The following CHMP1B variants were observed in gnomAD, a reference collection of about 807,000 sequenced individuals.
CHMP1B encodes VPS46 homolog B.
CHMP1B carries 5 observed loss-of-function variants against 11.5 expected under a neutral mutation model. The ratio of observed to expected loss-of-function variants is 0.43; its 90% CI spans 0.23 to 0.91. CHMP1B has a LOEUF of 0.91. CHMP1B is among the 40% of genes least tolerant of loss of function. The pLI, the probability that CHMP1B is intolerant of heterozygous loss-of-function variation, is 0.25. For synonymous variants in CHMP1B, 105 were observed against 105.7 expected, an observed-to-expected ratio of 0.99 and a Z score of 0.04; for missense variants, 246 against 261.2, an observed-to-expected ratio of 0.94 and a Z score of 0.40.
At position 11,854,190 on chromosome 18, in the gene CHMP1B, G is replaced by A. The variant is rs954616419; in HGVS notation, c.*2079G>A. The A allele has an allele frequency of 6.0e-6, 1 of 166,822 alleles. No homozygotes were observed. Among genetic ancestry groups the A allele is most frequent in the African/African-American group, 2.4e-5 (1 of 41,350 alleles). 10.3% of individuals were successfully genotyped at this position (166,822 alleles called of 1,614,324 possible). On this transcript the variant is annotated 3_prime_UTR_variant, in exon 1 of 1. Coordinates refer to ENST00000526991, the MANE Select transcript of CHMP1B (RefSeq NM_020412.5). ...AAAATAGCTTAGTGTTGAACCCTTT[G>A]GTAAACTAAAGACCCTTTTATAATG...
Position 11,854,438 on chromosome 18 carries a change from AACTG to A in CHMP1B, c.*2328_*2331del, listed in dbSNP as rs2035955979. 6.0e-6 allele frequency: 1 copy of A among 167,090 alleles called. No homozygotes were observed. Among genetic ancestry groups the A allele is most frequent in the Non-Finnish European group, 1.5e-5 (1 of 68,126 alleles). The allele number at this position is 167,090 out of a possible 1,614,324, so 10.4% of individuals were successfully genotyped here. A position where few individuals can be genotyped will look rare whatever the true frequency, so the allele number is the denominator to read the frequency against. On this transcript the variant is annotated 3_prime_UTR_variant, in exon 1 of 1. Transcript: ENST00000526991. ...AGAATTTGTCAATTAAATCATTTTA[AACTG>A]CATGTTATTGGATGTGAGTGTGCAT...
Position 11,851,482 on chromosome 18 carries a change from G to A in CHMP1B, c.-30G>A. The A allele has an allele frequency of 6.6e-7, 1 of 1,507,330 alleles. No homozygotes were observed. Among genetic ancestry groups the A allele is most frequent in the Non-Finnish European group, 8.8e-7 (1 of 1,133,306 alleles). The allele number at this position is 1,507,330 out of a possible 1,614,324, so 93.4% of individuals were successfully genotyped here. ...TCTGCCTTCGGCGCGCTTCTCAGCC[G>A]GGCCGCCGACCCAAAGGAGCCGTCC... On this transcript the variant is annotated 5_prime_UTR_variant, in exon 1 of 1. Transcript: ENST00000526991.
Position 11,851,627 on chromosome 18 carries a change from C to T in CHMP1B, c.116C>T (p.Ala39Val), listed in dbSNP as rs1264189524. Residue 39 changes from alanine to valine, a missense_variant, in exon 1 of 1, where the codon GCC becomes GTC. By Grantham distance (64) the Ala-to-Val change is moderately conservative. Transcript: ENST00000526991. ...GCCGAAAAGGCCAAAATTAAAAAGG[C>T]CATTCAGAAGGGCAACATGGAAGTT... The part of the protein sequence containing the change: ...EKAEKAKIKK[A>V]IQKGNMEVAR... 2.5e-6 allele frequency: 4 copies of T among 1,613,786 alleles called. No individual in the cohort carries two copies. The African/African-American group carries it at 4.0e-5, about 16-fold the overall frequency.
In CHMP1B at chr18:11,851,921, G is replaced by A; in HGVS notation, c.410G>A (p.Ser137Asn). The A allele has an allele frequency of 2.5e-6, 4 of 1,613,914 alleles. No individual in the cohort carries two copies. Among genetic ancestry groups the A allele is most frequent in the Non-Finnish European group, 3.4e-6 (4 of 1,179,886 alleles). ...VQTQQMEDTM[S>N]STTTLTTPQN... ...ACGCAGCAAATGGAAGACACGATGA[G>A]CAGCACGACGACGCTCACCACTCCC... The change falls in exon 1 of 1, where the codon AGC (serine) becomes AAC (asparagine). Residue 137 changes from serine (S) to asparagine (N), a missense_variant. Coordinates refer to ENST00000526991, the MANE Select transcript of CHMP1B (RefSeq NM_020412.5).
In CHMP1B at chr18:11,854,273, T is replaced by C. The variant is rs1056086170; in HGVS notation, c.*2162T>C. On this transcript the variant is annotated 3_prime_UTR_variant, in exon 1 of 1. Coordinates refer to ENST00000526991, the MANE Select transcript of CHMP1B (RefSeq NM_020412.5). ...GAGATTAAACAATGCTTGTATATGCTTGAACTTTCTTAAAATATGTCCATG... is the reference window on the plus strand; with the variant it reads ...GAGATTAAACAATGCTTGTATATGCCTGAACTTTCTTAAAATATGTCCATG... 3.6e-5 allele frequency: 6 copies of C among 167,162 alleles called. No homozygotes were observed. The highest frequency in any genetic ancestry group is 8.8e-5 in the Non-Finnish European group (6 of 68,134). 10.4% of individuals were successfully genotyped at this position (167,162 alleles called of 1,614,324 possible).
rs192920920 is a variant in CHMP1B at position 11,852,355 on chromosome 18, C to T, written c.*244C>T. 1.4e-5 allele frequency: 7 copies of T among 504,522 alleles called. No homozygotes were observed. The highest frequency in any genetic ancestry group is 7.7e-5 in the African/African-American group (4 of 52,144). 31.3% of individuals were successfully genotyped at this position (504,522 alleles called of 1,614,324 possible). On this transcript the variant is annotated 3_prime_UTR_variant, in exon 1 of 1. Coordinates refer to ENST00000526991, the MANE Select transcript of CHMP1B (RefSeq NM_020412.5). ...TTTTTATAGCAGCCTTTTAACAGAACTAGTTAATTTCGTGTATATGAATCT... is the reference window on the plus strand; with the variant it reads ...TTTTTATAGCAGCCTTTTAACAGAATTAGTTAATTTCGTGTATATGAATCT...
rs913684484 is a variant in CHMP1B at position 11,853,067 on chromosome 18, T to C, written c.*956T>C. 2 of 167,126 alleles carry C rather than the reference T, an allele frequency of 1.2e-5. No homozygotes were observed. The highest frequency in any genetic ancestry group is 4.8e-5 in the African/African-American group (2 of 41,464). 10.4% of individuals were successfully genotyped at this position (167,126 alleles called of 1,614,324 possible). On this transcript the variant is annotated 3_prime_UTR_variant, in exon 1 of 1. Transcript: ENST00000526991. ...TGAGAAAACCCTAGGACTGTGTGTGTGTAGGTTTTGTTTTGATTTTAACAA... is the reference window on the plus strand; with the variant it reads ...TGAGAAAACCCTAGGACTGTGTGTGCGTAGGTTTTGTTTTGATTTTAACAA...
rs1220171328 is a variant in CHMP1B, at chr18:11,852,398, A to G, written c.*287A>G. The G allele has an allele frequency of 5.3e-6, 2 of 379,570 alleles. No homozygotes were observed. Among genetic ancestry groups the G allele is most frequent in the Admixed American group, 8.9e-5 (2 of 22,410 alleles). 23.5% of individuals were successfully genotyped at this position (379,570 alleles called of 1,614,324 possible). ...ATGAATCTTTCTCGAAGATCTGGTC[A>G]AAACTGTATTCAGTTTCCTGCCCAG... On this transcript the variant is annotated 3_prime_UTR_variant, in exon 1 of 1. Transcript: ENST00000526991.
rs1567892685 is a variant in CHMP1B, at chr18:11,852,190, C to G, written c.*79C>G. The G allele has an allele frequency of 4.2e-6, 6 of 1,438,458 alleles. No homozygotes were observed. The highest frequency in any genetic ancestry group is 4.6e-6 in the Non-Finnish European group (5 of 1,084,914). 89.1% of individuals were successfully genotyped at this position (1,438,458 alleles called of 1,614,324 possible). ...CTGTGTGTTAGAGAGATACTATACC[C>G]TAGAAACTCTGAACACGCCAGAATG... On this transcript the variant is annotated 3_prime_UTR_variant, in exon 1 of 1. Coordinates refer to ENST00000526991, the MANE Select transcript of CHMP1B (RefSeq NM_020412.5).
At position 11,852,191 on chromosome 18, in the gene CHMP1B, TAG is replaced by T. The variant is rs1238620552; in HGVS notation, c.*82_*83del. ...TGTGTGTTAGAGAGATACTATACCC[TAG>T]AAACTCTGAACACGCCAGAATGCTG... On this transcript the variant is annotated 3_prime_UTR_variant, in exon 1 of 1. Coordinates refer to ENST00000526991, the MANE Select transcript of CHMP1B (RefSeq NM_020412.5). The T allele has an allele frequency of 2.8e-6, 4 of 1,440,344 alleles. No individual in the cohort carries two copies. The highest frequency in any genetic ancestry group is 2.9e-5 in the African/African-American group (2 of 69,662). 89.2% of individuals were successfully genotyped at this position (1,440,344 alleles called of 1,614,324 possible).
rs11580 is a variant in CHMP1B, at chr18:11,852,295, G to T, written c.*184G>T. Reference sequence around the variant, plus strand: ...TTCAGTATTTCTGCACTCTTAGCTGGATTCTAAAGTTCTGTATAGCTCGTA... The same window carrying T: ...TTCAGTATTTCTGCACTCTTAGCTGTATTCTAAAGTTCTGTATAGCTCGTA... On this transcript the variant is annotated 3_prime_UTR_variant, in exon 1 of 1. Coordinates refer to ENST00000526991, the MANE Select transcript of CHMP1B (RefSeq NM_020412.5). 8,521 of 701,964 alleles carry T rather than the reference G, an allele frequency of 0.012. 62 individuals are homozygous for T. The highest frequency in any genetic ancestry group is 0.017 in the Non-Finnish European group (7,319 of 424,722). 43.5% of individuals were successfully genotyped at this position (701,964 alleles called of 1,614,324 possible).
rs2035885811 is a variant in CHMP1B, at chr18:11,852,054, T to A, written c.543T>A (p.Ala181=). 6.2e-7 allele frequency: 1 copy of A among 1,613,446 alleles called. No homozygotes were observed. Among genetic ancestry groups the A allele is most frequent in the Non-Finnish European group, 8.5e-7 (1 of 1,179,790 alleles). Residue 181 remains alanine, a synonymous_variant, in exon 1 of 1, where the codon GCT becomes GCA. Transcript: ENST00000526991. ...GQTGSVGTSV[A]SAEQDELSQR... ...CCGGCTCCGTGGGCACGAGCGTGGC[T>A]TCGGCGGAGCAGGATGAACTGTCTC...
rs1449061000 is a variant in CHMP1B at position 11,854,242 on chromosome 18, T to G, written c.*2131T>G. ...ACATATTCCCAACAAAATTAATATATTTTGTGAGATTAAACAATGCTTGTA... is the reference window on the plus strand; with the variant it reads ...ACATATTCCCAACAAAATTAATATAGTTTGTGAGATTAAACAATGCTTGTA... On this transcript the variant is annotated 3_prime_UTR_variant, in exon 1 of 1. Transcript: ENST00000526991. 6.0e-6 allele frequency: 1 copy of G among 167,102 alleles called. No individual in the cohort carries two copies. Among genetic ancestry groups the G allele is most frequent in the Non-Finnish European group, 1.5e-5 (1 of 68,124 alleles). The allele number at this position is 167,102 out of a possible 1,614,324, so 10.4% of individuals were successfully genotyped here.
rs1234880266 is a variant in CHMP1B, at chr18:11,851,453, C to G, written c.-59C>G. On this transcript the variant is annotated 5_prime_UTR_variant, in exon 1 of 1. Transcript: ENST00000526991. ...GCGGCCGGGAGCGGACTTACCTTAC[C>G]TTCTCTGCCTTCGGCGCGCTTCTCA... The G allele has an allele frequency of 6.1e-6, 9 of 1,471,406 alleles. No homozygotes were observed. Among genetic ancestry groups the G allele is most frequent in the Non-Finnish European group, 8.1e-6 (9 of 1,117,284 alleles). The allele number at this position is 1,471,406 out of a possible 1,614,324, so 91.1% of individuals were successfully genotyped here.
Position 11,853,635 on chromosome 18 carries a change from G to GT in CHMP1B, c.*1525dup, listed in dbSNP as rs1289994065. 3 of 167,022 alleles carry GT rather than the reference G, an allele frequency of 1.8e-5. No individual in the cohort carries two copies. Among genetic ancestry groups the GT allele is most frequent in the African/African-American group, 4.8e-5 (2 of 41,428 alleles). 10.3% of individuals were successfully genotyped at this position (167,022 alleles called of 1,614,324 possible). A position where few individuals can be genotyped will look rare whatever the true frequency, so the allele number is the denominator to read the frequency against. ...GTAAATGAGTAAGGAAAAAAAAAGT[G>GT]TAACAGGTGCGTGCAGATGAGGAGT... is the stretch of plus-strand genomic sequence containing the variant. On this transcript the variant is annotated 3_prime_UTR_variant, in exon 1 of 1. Coordinates refer to ENST00000526991, the MANE Select transcript of CHMP1B (RefSeq NM_020412.5).
In CHMP1B at chr18:11,853,149, T is replaced by C. The variant is rs1412107768; in HGVS notation, c.*1038T>C. 6.0e-6 allele frequency: 1 copy of C among 167,088 alleles called. No homozygotes were observed. The highest frequency in any genetic ancestry group is 1.5e-5 in the Non-Finnish European group (1 of 68,128). The allele number at this position is 167,088 out of a possible 1,614,324, so 10.4% of individuals were successfully genotyped here. A position where few individuals can be genotyped will look rare whatever the true frequency, so the allele number is the denominator to read the frequency against. On this transcript the variant is annotated 3_prime_UTR_variant, in exon 1 of 1. Transcript: ENST00000526991. ...TTAAGTTCTAATTTGCATTTATTAATTTGTCCAAAAGCAAGAACTCTTGGA... is the reference window on the plus strand; with the variant it reads ...TTAAGTTCTAATTTGCATTTATTAACTTGTCCAAAAGCAAGAACTCTTGGA...
At position 11,853,645 on chromosome 18, in the gene CHMP1B, C is replaced by A. The variant is rs2035934551; in HGVS notation, c.*1534C>A. 1 of 166,902 alleles carries A rather than the reference C, an allele frequency of 6.0e-6. No individual in the cohort carries two copies. The highest frequency in any genetic ancestry group is 6.6e-5 in the Admixed American group (1 of 15,264). 10.3% of individuals were successfully genotyped at this position (166,902 alleles called of 1,614,324 possible). A position where few individuals can be genotyped will look rare whatever the true frequency, so the allele number is the denominator to read the frequency against. On this transcript the variant is annotated 3_prime_UTR_variant, in exon 1 of 1. Transcript: ENST00000526991. The stretch of plus-strand genomic sequence containing the variant: ...AAGGAAAAAAAAAGTGTAACAGGTG[C>A]GTGCAGATGAGGAGTGACCCTCATA...
chr18:11,852,773 A>G lies in CHMP1B; in HGVS notation c.*662A>G. ...CATTCTATAAATTTTTCACGTGATA[A>G]TTGTCTTTGCGTAACTGGGAAAAAT... On this transcript the variant is annotated 3_prime_UTR_variant, in exon 1 of 1. Transcript: ENST00000526991. The G allele has an allele frequency of 1.2e-5, 2 of 166,932 alleles. No homozygotes were observed. 10.3% of individuals were successfully genotyped at this position (166,932 alleles called of 1,614,324 possible).
Position 11,852,533 on chromosome 18 carries a change from T to C in CHMP1B, c.*422T>C, listed in dbSNP as rs1300505807. On this transcript the variant is annotated 3_prime_UTR_variant, in exon 1 of 1. Transcript: ENST00000526991. ...AAAGAGAGGGGAAAGATTACTTAGTTTGGTTATACAGTTATAAACACCATG... is the reference window on the plus strand; with the variant it reads ...AAAGAGAGGGGAAAGATTACTTAGTCTGGTTATACAGTTATAAACACCATG... 5.1e-6 allele frequency: 1 copy of C among 194,412 alleles called. No individual in the cohort carries two copies. The allele number at this position is 194,412 out of a possible 1,614,324, so 12.0% of individuals were successfully genotyped here.
Sources: gnomAD v4.1 joint callset for allele counts on GRCh38, gnomAD v4.1.1 for gene constraint, MANE v1.5 for transcripts, NCBI Gene and HGNC (gene_info 2026-07-23, HGNC 2026-07-21) for gene names.